IGSF10: variants seen among roughly 807,000 people sequenced by gnomAD.
IGSF10 encodes the protein immunoglobulin superfamily member 10, also known as calvaria mechanical force protein 608.
IGSF10 carries 126 observed loss-of-function variants against 128.2 expected under a neutral mutation model. The ratio of observed to expected loss-of-function variants is 0.98; its 90% CI spans 0.85 to 1.14. The LOEUF (loss-of-function observed/expected upper bound fraction) is 1.14, where lower values mean the gene tolerates loss of function less well. IGSF10 is among the 50% of genes most tolerant of loss of function. The pLI is 0.00. For missense variants in IGSF10, 3,295 were observed against 3,149.8 expected, an observed-to-expected ratio of 1.05 and a Z score of -1.10; for synonymous variants, 1,185 against 1,146.2, an observed-to-expected ratio of 1.03 and a Z score of -0.68.
intron 4 of IGSF10, 76 bp downstream of exon 4, chr3:151,456,950 T>C: frequency 6.9e-6 from 10 of 1,441,108 alleles, no homozygotes; most frequent in South Asian, 1.2e-5. Flanking sequence ...TGTGTAGAGA[T>C]AGGCAGCCTT....
rs1281407718 is a variant in IGSF10, at chr3:151,437,502, C to G, written c.7059G>C (p.Lys2353Asn). 1 of 1,614,192 alleles carries G rather than the reference C, an allele frequency of 6.2e-7. No homozygotes were observed. Reference sequence around the variant, plus strand: ...CAACAGAGCAATTCAATGCTGTGGACTTTCCCAGCTGGGCAACTATTTTTT... The same window carrying G: ...CAACAGAGCAATTCAATGCTGTGGAGTTTCCCAGCTGGGCAACTATTTTTT... ...FNEKIVAQLGKSTALNCSVDG... is the reference protein window; with the variant it reads ...FNEKIVAQLGNSTALNCSVDG... The change falls in exon 8 of 8, where the codon AAG becomes AAC. Residue 2353 changes from lysine to asparagine, a missense_variant. Coordinates refer to ENST00000282466, the MANE Select transcript of IGSF10 (RefSeq NM_178822.5).
chr3:151,478,569 C>T, the IGSF10 span, among the ~76,000 whole-genome samples: 10 of 152,270 alleles, frequency 6.6e-5, no homozygotes, highest in South Asian at 2.1e-4. Context: ...TCTTAAAGGA[C>T]GCCTAACTAG....
chr3:151,526,426 G>A, the IGSF10 span, among the ~76,000 whole-genome samples: 11 of 151,368 alleles, frequency 7.3e-5, no homozygotes, highest in Admixed American at 5.9e-4. Flanking sequence ...TAAAAGACTT[G>A]GTATAATGAA....
chr3:151,449,446 G>C (rs1692657229), intron 5 of IGSF10, among the ~76,000 whole-genome samples, 181 bp from the exon 6 acceptor site: 1 of 152,128 alleles, frequency 6.6e-6, no homozygotes, highest in African/African-American at 2.4e-5. Context: ...TGTATACCCT[G>C]CTACAACATA....
At position 151,437,010 on chromosome 3, in the gene IGSF10, A is replaced by T. The variant is rs751562642; in HGVS notation, c.7551T>A (p.Ile2517=). The stretch of plus-strand genomic sequence containing the variant: ...AGGCTACAATCATTACTGGAACAGT[A>T]ATCAGTGTATGACCAACACTATTTT... The part of the protein sequence containing the change: ...KAQNSVGHTL[I]TVPVMIVAYP... Residue 2517 remains isoleucine, a synonymous_variant, in exon 8 of 8, where the codon ATT becomes ATA. Coordinates refer to ENST00000282466, the MANE Select transcript of IGSF10 (RefSeq NM_178822.5). The T allele has an allele frequency of 3.1e-6, 5 of 1,614,060 alleles. No homozygotes were observed. In the East Asian group the frequency reaches 1.1e-4, roughly 36 times the overall value.
At chr3:151,450,555 A>G (rs1721460902) in intron 5 of IGSF10, among the ~76,000 whole-genome samples, 1 of 152,138 alleles carries the variant, frequency 6.6e-6, no homozygotes, top group Non-Finnish European at 1.5e-5. Context: ...GTCTAAACCT[A>G]TGCAGAGGAG....
rs78812287 is a variant in IGSF10, at chr3:151,440,358, G to T, written c.5964-1761C>A. On this transcript the variant is annotated intron_variant, in intron 7 of 7. Transcript: ENST00000282466. ...AAGTCACTGTTATTCTCCAGCAAAG[G>T]TAAGTATGGAAAGTATTATAGTAAA... Among the ~76,000 whole-genome samples, 666 of 152,200 alleles carry T rather than the reference G, an allele frequency of 4.4e-3. 4 individuals carry two copies. The highest frequency in any genetic ancestry group is 0.015 in the African/African-American group (636 of 41,522).
the IGSF10 span, among the ~76,000 whole-genome samples, chr3:151,526,784 T>C: frequency 6.6e-6 from 1 of 152,208 alleles, no homozygotes; most frequent in Non-Finnish European, 1.5e-5. Flanking sequence ...TCCTTAATGT[T>C]TTTGGCCTCA....
chr3:151,521,417 T>G, the IGSF10 span, among the ~76,000 whole-genome samples: 1 of 151,872 alleles, frequency 6.6e-6, no homozygotes, highest in Non-Finnish European at 1.5e-5. Flanking sequence ...ATGCTTCTCA[T>G]TGCTGCATGG....
At chr3:151,615,747 T>C in the IGSF10 span, among the ~76,000 whole-genome samples, 1 of 151,824 alleles carries the variant, frequency 6.6e-6, no homozygotes, top group South Asian at 2.1e-4. Context: ...TTTAAGGGAG[T>C]GATTAAAATA....
chr3:151,611,762 A>G, the IGSF10 span, among the ~76,000 whole-genome samples: 1 of 152,178 alleles, frequency 6.6e-6, no homozygotes, highest in South Asian at 2.1e-4. Flanking sequence ...AGCTTAAATC[A>G]TATATTTATT....
At chr3:151,453,261 T>G (rs1721596892) in intron 5 of IGSF10, 123 bp downstream of exon 5, 1 of 786,854 alleles carries the variant, frequency 1.3e-6, no homozygotes, top group Non-Finnish European at 2.0e-6. Flanking sequence ...TCATTATTCT[T>G]GAATTATTTC....
chr3:151,469,990 G>T, the IGSF10 span, among the ~76,000 whole-genome samples: 1 of 152,182 alleles, frequency 6.6e-6, no homozygotes, highest in Admixed American at 6.5e-5. Context: ...ATAGATCTCT[G>T]CTCAGCCTTC....
chr3:151,505,950 T>C, the IGSF10 span, among the ~76,000 whole-genome samples: 1 of 3,188 alleles, frequency 3.1e-4, no homozygotes, highest in Non-Finnish European at 4.9e-4. Flanking sequence ...TTCTTCTTCC[T>C]TTTTTTTTTT....
chr3:151,445,545 G>A lies in IGSF10; in HGVS notation c.4436C>T (p.Pro1479Leu), dbSNP rs779614261. Residue 1479 changes from proline (P) to leucine (L), a missense_variant, in exon 6 of 8, where the codon CCT becomes CTT. Physicochemically the swap from Pro to Leu is moderately conservative, Grantham distance 98. Transcript: ENST00000282466. ...AGTAACTGCTCTCTGAGTAAAGGGAGGGGAGATGGGAACTGGCATTAGAGT... is the reference window on the plus strand; with the variant it reads ...AGTAACTGCTCTCTGAGTAAAGGGAAGGGAGATGGGAACTGGCATTAGAGT... ...SATLMPVPIS[P>L]PFTQRAVTDN... is the part of the protein sequence containing the mutation. The A allele has an allele frequency of 3.7e-6, 6 of 1,614,200 alleles. 1 individual carries two copies. The South Asian group carries it at 5.5e-5, about 15-fold the overall frequency.
the IGSF10 span, chr3:151,476,205 T>C: frequency 1.3e-5 from 2 of 152,208 alleles, no homozygotes; most frequent in Non-Finnish European, 2.9e-5. Flanking sequence ...GGTATAAAAA[T>C]ATGTTTTGAA....
the IGSF10 span, among the ~76,000 whole-genome samples, chr3:151,572,364 T>A: frequency 1.3e-5 from 2 of 152,202 alleles, no homozygotes; most frequent in African/African-American, 4.8e-5. Flanking sequence ...CTTTTTTTAG[T>A]TGGTAGGCTA....
the IGSF10 span, among the ~76,000 whole-genome samples, chr3:151,550,482 T>A: frequency 1.3e-5 from 2 of 152,210 alleles, no homozygotes; most frequent in Admixed American, 1.3e-4. Context: ...ATCCTCTGGA[T>A]ACAGTGAGGC....
the IGSF10 span, among the ~76,000 whole-genome samples, chr3:151,569,058 C>CATTCT: frequency 6.6e-6 from 1 of 152,118 alleles, no homozygotes; most frequent in African/African-American, 2.4e-5. Context: ...TGCAACAATA[C>CATTCT]ATTCTGCCTC....
Sources: gnomAD v4.1 joint callset for allele counts (sites outside exome capture counted in the v4.1 genomes callset) on GRCh38, gnomAD v4.1.1 for gene constraint, MANE v1.5 for transcripts, NCBI Gene and HGNC (gene_info 2026-07-23, HGNC 2026-07-21) for gene names.